GSE1: variants seen among roughly 807,000 people sequenced by gnomAD.
The protein encoded by GSE1 is Gse1 coiled-coil protein, also known as genetic suppressor element 1.
Under a neutral mutation model 112.6 loss-of-function variants are expected in GSE1, and 32 were observed. The observed-to-expected ratio is 0.28, with a 90% CI of 0.21 to 0.38. The LOEUF (loss-of-function observed/expected upper bound fraction) is 0.38. Among genes scored for constraint, GSE1 ranks in the 10% least tolerant of loss-of-function variants. The pLI, the probability that GSE1 is intolerant of heterozygous loss-of-function variation, is 1.00. For missense variants in GSE1, 2,348 were observed against 1,699.2 expected, an observed-to-expected ratio of 1.38 and a Z score of -6.71; for synonymous variants, 1,115 against 735.6, an observed-to-expected ratio of 1.52 and a Z score of -8.35.
intron 1 of GSE1, among the ~76,000 whole-genome samples, chr16:85,208,611 A>G (rs1175708504): frequency 1.3e-5 from 2 of 151,578 alleles, no homozygotes; most frequent in African/African-American, 4.9e-5. Context: ...GATTGTAGAT[A>G]CCTTAGGCTT....
rs1309906131 is a variant in GSE1 at position 85,460,894 on chromosome 16, G to C, written c.2464+103251G>C. Among the ~76,000 whole-genome samples, 4 of 152,246 alleles carry C rather than the reference G, an allele frequency of 2.6e-5. No homozygotes were observed. The South Asian group carries it at 6.2e-4, about 24-fold the overall frequency. On this transcript the variant is annotated intron_variant, in intron 2 of 2. Transcript: ENST00000637419. Reference sequence around the variant, plus strand: ...GTGAGAGTGGGCTGCAAATCAGGACGTGAAGTCTGATGACAGATGGGAAAG... The same window carrying C: ...GTGAGAGTGGGCTGCAAATCAGGACCTGAAGTCTGATGACAGATGGGAAAG...
chr16:85,173,021 C>G, intron 1 of GSE1, among the ~76,000 whole-genome samples: 1 of 152,194 alleles, frequency 6.6e-6, no homozygotes, highest in East Asian at 1.9e-4. Flanking sequence ...GTGGGATGGT[C>G]TCTCGTTTTA....
At position 85,672,491 on chromosome 16, in the gene GSE1, G is replaced by A. The variant is rs376073711; in HGVS notation, c.3606G>A (p.Leu1202=). Residue 1202 remains leucine, a synonymous_variant, in exon 16 of 16, where the codon TTG becomes TTA. Coordinates refer to ENST00000253458, the MANE Select transcript of GSE1 (RefSeq NM_014615.5). Reference sequence around the variant, plus strand: ...ACCACTTACGAAAGTGCCTTGCCTTGCCTGCAATGCACTGGCCTAGGGGCT... The same window carrying A: ...ACCACTTACGAAAGTGCCTTGCCTTACCTGCAATGCACTGGCCTAGGGGCT... ...ELDHLRKCLA[L]PAMHWPRGYL... The A allele has an allele frequency of 8.1e-6, 13 of 1,611,986 alleles. 1 individual carries two copies. In the African/African-American group the frequency reaches 1.6e-4, roughly 20 times the overall value.
intron 1 of GSE1, among the ~76,000 whole-genome samples, chr16:85,222,406 A>G (rs757030426): frequency 6.6e-6 from 1 of 152,208 alleles, no homozygotes; most frequent in Non-Finnish European, 1.5e-5. Flanking sequence ...CTTGCGTGAA[A>G]TGGGGTCGGC....
intron 2 of GSE1, among the ~76,000 whole-genome samples, chr16:85,398,916 C>T (rs2048027941): frequency 6.6e-6 from 1 of 152,116 alleles, no homozygotes; most frequent in Admixed American, 6.5e-5. Flanking sequence ...ATGTATAATG[C>T]ATGTCGAGTG....
At chr16:85,324,704 C>T (rs2046189476) in intron 1 of GSE1, among the ~76,000 whole-genome samples, 2 of 152,014 alleles carry the variant, frequency 1.3e-5, no homozygotes, top group Non-Finnish European at 2.9e-5. Context: ...GGAACGAACA[C>T]AGAGGGTGGG....
In GSE1 at chr16:85,654,469, A is replaced by G. The variant is rs973316821; in HGVS notation, c.599+19A>G. 19 of 1,552,258 alleles carry G rather than the reference A, an allele frequency of 1.2e-5. No homozygotes were observed. The African/African-American group carries it at 2.2e-4, about 18-fold the overall frequency. On this transcript the variant is annotated intron_variant, in intron 4 of 15. Coordinates refer to ENST00000253458, the MANE Select transcript of GSE1 (RefSeq NM_014615.5). ...CACTCAAGTAAGTTGGTCGGCGGGGACTTCGGTGAGGTGGCCAGGTGGGGA... is the reference window on the plus strand; with the variant it reads ...CACTCAAGTAAGTTGGTCGGCGGGGGCTTCGGTGAGGTGGCCAGGTGGGGA...
intron 2 of GSE1, among the ~76,000 whole-genome samples, chr16:85,437,851 C>CT (rs1484320042): frequency 6.6e-6 from 1 of 152,204 alleles, no homozygotes; most frequent in African/African-American, 2.4e-5. Flanking sequence ...CCCTCCCACC[C>CT]TTTCGCTGTG....
At chr16:85,390,037 C>A (rs866143387) in intron 2 of GSE1, among the ~76,000 whole-genome samples, 22 of 152,194 alleles carry the variant, frequency 1.4e-4, no homozygotes, top group South Asian at 1.0e-3. Flanking sequence ...GACCTCGGGG[C>A]CTAGGCTGGG....
chr16:85,170,697 G>C (rs1179095683), exon 1 of GSE1: 1 of 985,636 alleles, frequency 1.0e-6, no homozygotes, highest in Non-Finnish European at 1.2e-6. Flanking sequence ...AGCAGGAGAA[G>C]CTGGCTCAGG....
At chr16:85,292,352 CAG>C (rs1271017843) in intron 1 of GSE1, among the ~76,000 whole-genome samples, 4 of 143,766 alleles carry the variant, frequency 2.8e-5, no homozygotes, top group East Asian at 2.1e-4. Context: ...TTTTCTGAGA[CAG>C]AGTCTTGCTC....
At chr16:85,216,071 C>A (rs932413694) in intron 1 of GSE1, among the ~76,000 whole-genome samples, 1 of 152,252 alleles carries the variant, frequency 6.6e-6, no homozygotes, top group African/African-American at 2.4e-5. Flanking sequence ...TCCTGTCCCA[C>A]CCTGCCTCTG....
intron 1 of GSE1, among the ~76,000 whole-genome samples, chr16:85,262,882 G>A: frequency 6.6e-6 from 1 of 152,234 alleles, no homozygotes; most frequent in East Asian, 1.9e-4. Flanking sequence ...CTGCAATTCA[G>A]TGTTAATTGA....
At chr16:85,360,221 A>C (rs2047033990) in intron 2 of GSE1, among the ~76,000 whole-genome samples, 1 of 151,356 alleles carries the variant, frequency 6.6e-6, no homozygotes, top group African/African-American at 2.4e-5. Context: ...CCTTGCTGCA[A>C]CTCACTGCGT....
At chr16:85,565,925 T>C (rs2151306241) in intron 1 of GSE1, among the ~76,000 whole-genome samples, 1 of 152,192 alleles carries the variant, frequency 6.6e-6, no homozygotes, top group East Asian at 1.9e-4. Flanking sequence ...AGCAGGCTTT[T>C]CTGAGGCTGC....
Position 85,401,846 on chromosome 16 carries a change from A to T in GSE1, c.2464+44203A>T, listed in dbSNP as rs1426397465. Among the ~76,000 whole-genome samples the T allele has an allele frequency of 2.0e-5, 3 of 152,314 alleles. No individual in the cohort carries two copies. In the East Asian group the frequency reaches 5.8e-4, roughly 29 times the overall value. On this transcript the variant is annotated intron_variant, in intron 2 of 2. Coordinates refer to the GSE1 transcript ENST00000637419. ...CCATTCCTGACGGGAATGTCTAAAC[A>T]TGTGCTTTCCGTGTTCCCAGCCATC...
At chr16:85,360,255 G>T (rs141902524) in intron 2 of GSE1, among the ~76,000 whole-genome samples, 2 of 150,950 alleles carry the variant, frequency 1.3e-5, no homozygotes, top group Non-Finnish European at 3.0e-5. Context: ...GTTGGGGGCG[G>T]GGGCCTGAGA....
intron 1 of GSE1, among the ~76,000 whole-genome samples, chr16:85,336,750 T>C (rs2046495127): frequency 6.6e-6 from 1 of 151,960 alleles, no homozygotes; most frequent in Non-Finnish European, 1.5e-5. Flanking sequence ...TACAGGCGCC[T>C]GCCACCACGC....
chr16:85,630,634 A>G (rs904861817), intron 1 of GSE1, among the ~76,000 whole-genome samples: 1 of 152,228 alleles, frequency 6.6e-6, no homozygotes, highest in African/African-American at 2.4e-5. Context: ...TTTAACCATT[A>G]CAGTTCAACG....
Sources: gnomAD v4.1 joint callset for allele counts (sites outside exome capture counted in the v4.1 genomes callset) on GRCh38, gnomAD v4.1.1 for gene constraint, MANE v1.5 for transcripts, NCBI Gene and HGNC (gene_info 2026-07-23, HGNC 2026-07-21) for gene names.